The following LRMDA variants were observed in gnomAD, a reference collection of about 807,000 sequenced individuals.
The protein encoded by LRMDA is leucine-rich melanocyte differentiation-associated protein.
In LRMDA, 18 loss-of-function variants were observed where a neutral mutation model predicts 29.8. That is an observed-to-expected ratio of 0.60 (90% confidence interval 0.42 to 0.90). LRMDA has a LOEUF of 0.90. Among genes scored for constraint, LRMDA ranks in the 40% least tolerant of loss-of-function variants. The probability of loss-of-function intolerance (pLI) is 0.00; values close to 1 mark genes in which losing one functional copy is unlikely to be tolerated. For synonymous variants in LRMDA, 125 were observed against 109.4 expected, an observed-to-expected ratio of 1.14 and a Z score of -0.89; for missense variants, 273 against 273.9, an observed-to-expected ratio of 1.00 and a Z score of 0.02.
intron 5 of LRMDA, among the ~76,000 whole-genome samples, chr10:76,304,538 A>T (rs994496227): frequency 5.9e-5 from 9 of 152,138 alleles, no homozygotes; most frequent in African/African-American, 1.7e-4. Context: ...CCCTGTTTGC[A>T]GGGGTTGGGG....
chr10:76,296,192 A>T (rs1332647216), intron 5 of LRMDA, among the ~76,000 whole-genome samples: 1 of 152,224 alleles, frequency 6.6e-6, no homozygotes, highest in Non-Finnish European at 1.5e-5. Flanking sequence ...ATAGGGCATC[A>T]TGTGAATTAT....
chr10:75,800,782 T>C (rs961428214), intron 2 of LRMDA, among the ~76,000 whole-genome samples: 10 of 152,240 alleles, frequency 6.6e-5, no homozygotes, highest in Non-Finnish European at 1.3e-4. Flanking sequence ...GAGTCACATT[T>C]TTATGTTTCT....
intron 2 of LRMDA, among the ~76,000 whole-genome samples, chr10:75,495,560 T>G (rs569625087): frequency 6.6e-6 from 1 of 152,284 alleles, no homozygotes; most frequent in Admixed American, 6.5e-5. Flanking sequence ...TTTTTGCCCT[T>G]CATTGGATCA....
chr10:75,696,978 G>A (rs1221251971), intron 2 of LRMDA, among the ~76,000 whole-genome samples: 1 of 151,984 alleles, frequency 6.6e-6, no homozygotes, highest in East Asian at 1.9e-4. Flanking sequence ...TCCTCTCCTT[G>A]GCCATCATAA....
In LRMDA at chr10:76,020,122, G is replaced by A. The variant is rs73279691; in HGVS notation, c.132-15886G>A. Among the ~76,000 whole-genome samples the A allele has an allele frequency of 8.9e-3, 1,354 of 152,284 alleles. 33 individuals are homozygous for A. The highest frequency in any genetic ancestry group is 0.031 in the African/African-American group (1,280 of 41,542). The stretch of plus-strand genomic sequence containing the variant: ...TCAAACACAAGGTGAGCTGAGGAAG[G>A]GCTGCTTGGCAGCTTTGCCTGAGGT... On this transcript the variant is annotated intron_variant, in intron 2 of 6. Coordinates refer to ENST00000611255, the MANE Select transcript of LRMDA (RefSeq NM_001305581.2).
At chr10:76,068,031 C>A in intron 5 of LRMDA, among the ~76,000 whole-genome samples, 1 of 152,210 alleles carries the variant, frequency 6.6e-6, no homozygotes, top group East Asian at 1.9e-4. Flanking sequence ...GATGCCAGGC[C>A]ACTAGAGAAA....
intron 2 of LRMDA, among the ~76,000 whole-genome samples, chr10:75,798,907 G>T (rs1382717859): frequency 7.2e-5 from 11 of 151,998 alleles, no homozygotes; most frequent in Admixed American, 5.9e-4. Context: ...AACTTAAAAA[G>T]AATTTAATTT....
At chr10:76,112,856 T>G (rs955962489) in intron 5 of LRMDA, among the ~76,000 whole-genome samples, 19 of 152,342 alleles carry the variant, frequency 1.2e-4, no homozygotes, top group African/African-American at 3.6e-4. Flanking sequence ...CTTTTTGCAT[T>G]GCGTTTGTCT....
At chr10:76,211,149 C>T (rs1265595337) in intron 5 of LRMDA, among the ~76,000 whole-genome samples, 2 of 152,166 alleles carry the variant, frequency 1.3e-5, no homozygotes, top group African/African-American at 2.4e-5. Flanking sequence ...TGTCTTTGCT[C>T]ATCTTGGGCT....
At chr10:76,269,703 C>T (rs569250756) in intron 5 of LRMDA, among the ~76,000 whole-genome samples, 1 of 152,328 alleles carries the variant, frequency 6.6e-6, no homozygotes, top group East Asian at 1.9e-4. Context: ...AATAGCAACA[C>T]TACTTAAGCG....
intron 2 of LRMDA, among the ~76,000 whole-genome samples, chr10:75,751,284 C>G (rs948799758): frequency 2.3e-4 from 35 of 150,988 alleles, no homozygotes; most frequent in South Asian, 8.4e-4. Flanking sequence ...AGCCTCGGCT[C>G]GGCATCAGAG....
intron 2 of LRMDA, among the ~76,000 whole-genome samples, chr10:75,474,715 T>C (rs1314947176): frequency 1.1e-4 from 16 of 152,244 alleles, no homozygotes; most frequent in Admixed American, 1.0e-3. Flanking sequence ...CCCCTCATTG[T>C]AATACCAGTG....
At chr10:75,952,685 G>A (rs2132421298) in intron 2 of LRMDA, among the ~76,000 whole-genome samples, 1 of 152,314 alleles carries the variant, frequency 6.6e-6, no homozygotes, top group Admixed American at 6.5e-5. Context: ...GGACAAACGG[G>A]TTGGGAAGTT....
chr10:75,461,986 A>C (rs11001399), intron 2 of LRMDA, among the ~76,000 whole-genome samples: 69,389 of 152,154 alleles, frequency 0.46, 17,302 homozygotes, highest in Non-Finnish European at 0.55. Context: ...ATTTACCTGC[A>C]ATGGCAATCG....
chr10:75,432,374 A>C (rs1185605457), intron 1 of LRMDA, among the ~76,000 whole-genome samples: 1 of 152,196 alleles, frequency 6.6e-6, no homozygotes, highest in Non-Finnish European at 1.5e-5. Context: ...TTTCTTGAAC[A>C]GGAGTCTGTG....
intron 6 of LRMDA, among the ~76,000 whole-genome samples, chr10:76,358,691 A>G (rs1426894617): frequency 6.6e-6 from 1 of 152,168 alleles, no homozygotes; most frequent in African/African-American, 2.4e-5. Flanking sequence ...CATAACCTTG[A>G]TTTTATCTGC....
At chr10:76,155,848 A>T (rs1034121766) in intron 5 of LRMDA, among the ~76,000 whole-genome samples, 2 of 152,152 alleles carry the variant, frequency 1.3e-5, no homozygotes, top group South Asian at 4.1e-4. Flanking sequence ...AGAGTCATTG[A>T]TTATGGAGTC....
At chr10:76,165,055 C>G (rs1300878484) in intron 5 of LRMDA, among the ~76,000 whole-genome samples, 4 of 152,244 alleles carry the variant, frequency 2.6e-5, no homozygotes, top group African/African-American at 9.6e-5. Flanking sequence ...TCACTGCAAA[C>G]TCTGCCTCCC....
intron 6 of LRMDA, among the ~76,000 whole-genome samples, chr10:76,466,313 G>A (rs919548912): frequency 3.3e-5 from 5 of 152,042 alleles, no homozygotes; most frequent in East Asian, 1.9e-4. Context: ...GACAGATGCC[G>A]GGAGCATGGG....
Sources: allele counts gnomAD v4.1 joint callset (sites outside exome capture counted in the v4.1 genomes callset), GRCh38; gene constraint gnomAD v4.1.1; transcripts MANE v1.5; gene names NCBI Gene and HGNC (gene_info 2026-07-23, HGNC 2026-07-21).